The following COL5A2 variants were observed in gnomAD, a reference collection of about 807,000 sequenced individuals.
COL5A2 encodes collagen alpha-2(V) chain.
A neutral mutation model predicts 208.2 loss-of-function variants in COL5A2; 23 were observed. The observed-to-expected ratio is 0.11, with a 90% CI of 0.08 to 0.16. The LOEUF is 0.16. Among genes scored for constraint, COL5A2 ranks in the 10% least tolerant of loss-of-function variants. The pLI, the probability that COL5A2 is intolerant of heterozygous loss-of-function variation, is 1.00. For missense variants in COL5A2, 1,590 were observed against 1,956.4 expected (o/e 0.81, Z 3.53); for synonymous variants, 625 against 628.5 (o/e 0.99, Z 0.08).
intron 6 of COL5A2, among the ~76,000 whole-genome samples, chr2:189,093,773 AGAGG>A (rs1686841006): frequency 6.6e-6 from 1 of 152,204 alleles, no homozygotes; most frequent in Admixed American, 6.5e-5. Flanking sequence ...TATACACAAC[AGAGG>A]CTGATTTCAA....
the COL5A2 span, among the ~76,000 whole-genome samples, chr2:189,436,193 C>T: frequency 8.5e-5 from 13 of 152,224 alleles, no homozygotes; most frequent in East Asian, 1.7e-3. Context: ...TAGAAGAAAA[C>T]CTAGGCAATA....
intron 1 of COL5A2, among the ~76,000 whole-genome samples, chr2:189,173,130 C>T (rs1359694086): frequency 6.6e-6 from 1 of 151,750 alleles, no homozygotes; most frequent in Non-Finnish European, 1.5e-5. Context: ...ACCACCATAC[C>T]CAGATAAATT....
chr2:189,144,992 C>A lies in COL5A2; in HGVS notation c.97+34516G>T, dbSNP rs4667264. Among the ~76,000 whole-genome samples, 439 of 152,054 alleles carry A rather than the reference C, an allele frequency of 2.9e-3. 2 individuals carry two copies. Among genetic ancestry groups the A allele is most frequent in the African/African-American group, 9.7e-3 (404 of 41,464 alleles). ...TTCCAATGATCCTTTCTGAACTAGC[C>A]CTTCTTAGAGTTTAGAACCTCATGG... On this transcript the variant is annotated intron_variant, in intron 1 of 53. Coordinates refer to ENST00000374866, the MANE Select transcript of COL5A2 (RefSeq NM_000393.5).
chr2:189,379,331 G>C, the COL5A2 span, among the ~76,000 whole-genome samples: 2 of 152,160 alleles, frequency 1.3e-5, no homozygotes, highest in African/African-American at 4.8e-5. Context: ...ATGACTCTGT[G>C]AACCCACAGG....
intron 1 of COL5A2, among the ~76,000 whole-genome samples, chr2:189,166,818 G>A (rs775157743): frequency 6.6e-6 from 1 of 152,198 alleles, no homozygotes; most frequent in Non-Finnish European, 1.5e-5. Flanking sequence ...AAGCTTGTAT[G>A]ACAAGAGCAT....
At chr2:189,191,140 T>A (rs370683994) in intron 1 of COL5A2, among the ~76,000 whole-genome samples, 393 of 118,802 alleles carry the variant, frequency 3.3e-3, no homozygotes, top group South Asian at 4.9e-3. Flanking sequence ...AGGGAAACCA[T>A]AAAAAAAAAA....
intron 1 of COL5A2, among the ~76,000 whole-genome samples, chr2:189,168,843 C>A (rs998076799): frequency 1.1e-4 from 17 of 152,032 alleles, no homozygotes; most frequent in Non-Finnish European, 2.5e-4. Context: ...CAAGTTAAAC[C>A]CATCATTTTT....
chr2:189,086,214 T>C (rs1226840921), intron 9 of COL5A2, among the ~76,000 whole-genome samples: 1 of 152,218 alleles, frequency 6.6e-6, no homozygotes, highest in African/African-American at 2.4e-5. Flanking sequence ...TATTATTTCC[T>C]GATGCCTGTT....
intron 49 of COL5A2, among the ~76,000 whole-genome samples, 183 bp from the exon 50 acceptor site, chr2:189,041,876 T>C (rs1461153733): frequency 6.6e-6 from 1 of 152,238 alleles, no homozygotes; most frequent in East Asian, 1.9e-4. Context: ...ACATAAGAAT[T>C]TTCCATCATC....
intron 1 of COL5A2, among the ~76,000 whole-genome samples, chr2:189,212,355 T>G (rs974430731): frequency 2.6e-5 from 4 of 151,998 alleles, no homozygotes; most frequent in Non-Finnish European, 4.4e-5. Context: ...TTCTTAAAAC[T>G]TGCTGGGCGC....
the COL5A2 span, among the ~76,000 whole-genome samples, chr2:189,426,074 A>G: frequency 6.6e-6 from 1 of 152,192 alleles, no homozygotes; most frequent in South Asian, 2.1e-4. Flanking sequence ...TAATGTGGAA[A>G]TGACTTTGAA....
intron 15 of COL5A2, 120 bp from the exon 16 acceptor site, chr2:189,078,689 C>A: frequency 1.2e-6 from 1 of 863,686 alleles, no homozygotes; most frequent in South Asian, 1.3e-5. Context: ...AGTAGTATTT[C>A]CAGGGGCAAT....
the COL5A2 span, among the ~76,000 whole-genome samples, chr2:189,328,001 C>G: frequency 6.6e-6 from 1 of 152,154 alleles, no homozygotes; most frequent in African/African-American, 2.4e-5. Context: ...TTCTGAGATA[C>G]TCAGCTTGCA....
chr2:189,061,500 TTTA>T, intron 30 of COL5A2, 59 bp downstream of exon 30: 8 of 1,231,746 alleles, frequency 6.5e-6, no homozygotes, highest in Non-Finnish European at 9.5e-6. Context: ...TATCTTTTTT[TTTA>T]AAAAAAAAAA....
At chr2:189,198,022 T>TG (rs1689028131) in intron 1 of COL5A2, among the ~76,000 whole-genome samples, 1 of 152,122 alleles carries the variant, frequency 6.6e-6, no homozygotes, top group South Asian at 2.1e-4. Context: ...GCTAATTTTT[T>TG]GTATTTCTAG....
upstream of COL5A2, among the ~76,000 whole-genome samples, chr2:189,180,141 G>GT (rs899101921): frequency 7.9e-5 from 12 of 151,830 alleles, no homozygotes; most frequent in African/African-American, 2.9e-4. Context: ...TTTTACCCTA[G>GT]TTTTTTTACA....
chr2:189,161,200 A>T (rs1488487294), intron 1 of COL5A2, among the ~76,000 whole-genome samples: 1 of 150,742 alleles, frequency 6.6e-6, no homozygotes, highest in South Asian at 2.1e-4. Context: ...TCTATCCTTT[A>T]TGTTTTGGAT....
At chr2:189,254,543 C>T in the COL5A2 span, among the ~76,000 whole-genome samples, 1 of 152,316 alleles carries the variant, frequency 6.6e-6, no homozygotes, top group East Asian at 1.9e-4. Context: ...AAGAGGGAAA[C>T]CTGCCTGAGC....
chr2:189,311,909 A>G, the COL5A2 span: 5 of 856,536 alleles, frequency 5.8e-6, no homozygotes, highest in Admixed American at 8.6e-5. Context: ...CTTTATAAAG[A>G]GCAGCTCTGC....
Sources: gnomAD v4.1 joint callset for allele counts (sites outside exome capture counted in the v4.1 genomes callset) on GRCh38, gnomAD v4.1.1 for gene constraint, MANE v1.5 for transcripts, NCBI Gene and HGNC (gene_info 2026-07-23, HGNC 2026-07-21) for gene names.